CYP1B1: variants seen among roughly 807,000 people sequenced by gnomAD.
CYP1B1 encodes the protein cytochrome P450 1B1.
A neutral mutation model predicts 29.9 loss-of-function variants in CYP1B1; 22 were observed. The ratio of observed to expected loss-of-function variants is 0.74; its 90% CI spans 0.53 to 1.05. The LOEUF (loss-of-function observed/expected upper bound fraction) is 1.05, where lower values mean the gene tolerates loss of function less well. Ranked by LOEUF, CYP1B1 falls within the 50% of genes least tolerant of loss-of-function variation. CYP1B1 has a pLI of 0.00. For missense variants in CYP1B1, 883 were observed against 746.9 expected (o/e 1.18, Z -2.12); for synonymous variants, 375 against 320.0 (o/e 1.17, Z -1.83).
Position 38,068,554 on chromosome 2 carries a change from A to C in CYP1B1, c.*2168T>G, listed in dbSNP as rs1409661042. On this transcript the variant is annotated 3_prime_UTR_variant, in exon 3 of 3. Transcript: ENST00000610745. ...CACTGTCTCAGCCTTGGTGGGGCATAATATTTTGGAATGGCAAGTGCCAAA... is the reference window on the plus strand; with the variant it reads ...CACTGTCTCAGCCTTGGTGGGGCATCATATTTTGGAATGGCAAGTGCCAAA... The C allele has an allele frequency of 8.8e-6, 2 of 227,174 alleles. No homozygotes were observed. The highest frequency in any genetic ancestry group is 4.4e-5 in the African/African-American group (2 of 44,998). 14.1% of individuals were successfully genotyped at this position (227,174 alleles called of 1,614,324 possible). A position where few individuals can be genotyped will look rare whatever the true frequency, so the allele number is the denominator to read the frequency against.
In CYP1B1 at chr2:38,075,279, T is replaced by G. The variant is rs760595674; in HGVS notation, c.110A>C (p.Gln37Pro). Reference sequence around the variant, plus strand: ...CCGCCTCCGTTGCCTCAGCAGCCGCTGGCCCACATGCACAGTGGCCAGCAC... The same window carrying G: ...CCGCCTCCGTTGCCTCAGCAGCCGCGGGCCCACATGCACAGTGGCCAGCAC... ...LSVLATVHVG[Q>P]RLLRQRRRQL... Residue 37 changes from glutamine to proline, a missense_variant, in exon 2 of 3, where the codon CAG becomes CCG. Transcript: ENST00000610745. The G allele has an allele frequency of 1.2e-6, 2 of 1,607,780 alleles. No homozygotes were observed. Among genetic ancestry groups the G allele is most frequent in the African/African-American group, 2.7e-5 (2 of 74,912 alleles).
chr2:38,070,552 T>C lies in CYP1B1; in HGVS notation c.*170A>G, dbSNP rs1682406420. The C allele has an allele frequency of 3.0e-6, 2 of 658,156 alleles. No homozygotes were observed. The highest frequency in any genetic ancestry group is 5.3e-6 in the Non-Finnish European group (2 of 380,766). The allele number at this position is 658,156 out of a possible 1,614,324, so 40.8% of individuals were successfully genotyped here. ...AAGCTCCTGCATAGCCCACTACTCATGAAGAACCGCTGGGTATGGAGCACA... is the reference window on the plus strand; with the variant it reads ...AAGCTCCTGCATAGCCCACTACTCACGAAGAACCGCTGGGTATGGAGCACA... On this transcript the variant is annotated 3_prime_UTR_variant, in exon 3 of 3. Transcript: ENST00000610745.
rs1331344827 is a variant in CYP1B1, at chr2:38,068,790, A to T, written c.*1932T>A. ...TTGAGATTTAACTCTGCTACGCCAA[A>T]CATCTTTCTTCTAAATGTCCATGCT... On this transcript the variant is annotated 3_prime_UTR_variant, in exon 3 of 3. Coordinates refer to ENST00000610745, the MANE Select transcript of CYP1B1 (RefSeq NM_000104.4). 3 of 225,398 alleles carry T rather than the reference A, an allele frequency of 1.3e-5. No individual in the cohort carries two copies. In the East Asian group the frequency reaches 1.9e-4, roughly 15 times the overall value. The allele number at this position is 225,398 out of a possible 1,614,324, so 14.0% of individuals were successfully genotyped here.
intron 2 of CYP1B1, among the ~76,000 whole-genome samples, chr2:38,072,260 C>T (rs1311239424): frequency 3.3e-5 from 5 of 152,150 alleles, no homozygotes; most frequent in Admixed American, 6.5e-5. Flanking sequence ...TGGTGGTACA[C>T]GCCTGTAGCC....
At position 38,068,285 on chromosome 2, in the gene CYP1B1, T is replaced by A; in HGVS notation, c.*2437A>T. On this transcript the variant is annotated 3_prime_UTR_variant, in exon 3 of 3. Transcript: ENST00000610745. ...ATTCGTTTTTTGTTTTCTTTTCCTT[T>A]CTTTAACTAGGTTATAAGCATATTA... 1 of 221,648 alleles carries A rather than the reference T, an allele frequency of 4.5e-6. No individual in the cohort carries two copies. 13.7% of individuals were successfully genotyped at this position (221,648 alleles called of 1,614,324 possible). A position where few individuals can be genotyped will look rare whatever the true frequency, so the allele number is the denominator to read the frequency against.
intron 2 of CYP1B1, among the ~76,000 whole-genome samples, chr2:38,073,116 A>C (rs867209459): frequency 5.9e-5 from 9 of 152,086 alleles, no homozygotes; most frequent in Middle Eastern, 3.2e-3. Context: ...TCTTTATTCG[A>C]TTTCTGCCTC....
rs750220338 is a variant in CYP1B1, at chr2:38,070,798, T to C, written c.1556A>G (p.Asn519Ser). ...CTCCATGGACTCTCTGAGAGTGACATTGACTTTAAATGACTTGGGTTTAAT... is the reference window on the plus strand; with the variant it reads ...CTCCATGGACTCTCTGAGAGTGACACTGACTTTAAATGACTTGGGTTTAAT... ...LTIKPKSFKV[N>S]VTLRESMELL... is the part of the protein sequence containing the mutation. Residue 519 changes from asparagine to serine, a missense_variant, in exon 3 of 3, where the codon AAT (asparagine) becomes AGT (serine). Asn to Ser is a conservative substitution (Grantham distance 46). Transcript: ENST00000610745. 103 of 1,614,136 alleles carry C rather than the reference T, an allele frequency of 6.4e-5. 1 individual carries two copies. In the South Asian group the frequency reaches 1.0e-3, roughly 16 times the overall value.
At chr2:38,072,417 A>G (rs1313726631) in intron 2 of CYP1B1, among the ~76,000 whole-genome samples, 1 of 152,210 alleles carries the variant, frequency 6.6e-6, no homozygotes, top group Non-Finnish European at 1.5e-5. Flanking sequence ...AAGGCCAATG[A>G]CCAACATTAA....
At chr2:38,074,311 G>C (rs755861122) in intron 2 of CYP1B1, 35 bp downstream of exon 2, 3 of 1,607,212 alleles carry the variant, frequency 1.9e-6, no homozygotes, top group Non-Finnish European at 8.5e-7. Context: ...TTTCAGAGGA[G>C]AAAAGACCTG....
At chr2:38,071,985 T>A (rs757408521) in intron 2 of CYP1B1, among the ~76,000 whole-genome samples, 1 of 152,226 alleles carries the variant, frequency 6.6e-6, no homozygotes, top group South Asian at 2.1e-4. Flanking sequence ...ACATACTGTA[T>A]TTTTTAAATT....
intron 1 of CYP1B1, 52 bp from the exon 2 acceptor site, chr2:38,075,441 G>A: frequency 6.3e-7 from 1 of 1,578,746 alleles, no homozygotes; most frequent in Admixed American, 1.7e-5. Flanking sequence ...AGACAGGAGC[G>A]GGCGCCCCAC....
In CYP1B1 at chr2:38,074,465, C is replaced by G. The variant is rs749928652; in HGVS notation, c.924G>C (p.Ser308=). Residue 308 remains serine, a synonymous_variant, in exon 2 of 3, where the codon TCG becomes TCC. Coordinates refer to ENST00000610745, the MANE Select transcript of CYP1B1 (RefSeq NM_000104.4). ...AATCCAGCCGCGCGCCACCACCGTG[C>G]GAGTCCCCGGCCGCCTTCTTTTCCG... ...LSAEKKAAGD[S]HGGGARLDLE... 2 of 1,613,004 alleles carry G rather than the reference C, an allele frequency of 1.2e-6. No individual in the cohort carries two copies. The highest frequency in any genetic ancestry group is 1.7e-6 in the Non-Finnish European group (2 of 1,179,754).
At position 38,068,044 on chromosome 2, in the gene CYP1B1, T is replaced by A. The variant is rs1205496231; in HGVS notation, c.*2678A>T. ...TCACAAAACAAACCTGAGACATCTT[T>A]TTGTTTTGGAAAAAAGCAATTTGCT... On this transcript the variant is annotated 3_prime_UTR_variant, in exon 3 of 3. Transcript: ENST00000610745. 1 of 201,578 alleles carries A rather than the reference T, an allele frequency of 5.0e-6. No individual in the cohort carries two copies. Among genetic ancestry groups the A allele is most frequent in the Non-Finnish European group, 1.0e-5 (1 of 97,664 alleles). 12.5% of individuals were successfully genotyped at this position (201,578 alleles called of 1,614,324 possible).
rs72481807 is a variant in CYP1B1, at chr2:38,074,872, C to A, written c.517G>T (p.Glu173Ter). The part of the protein sequence containing the change: ...RQVLEGHVLS[E>*]ARELVALLVR... Reference sequence around the variant, plus strand: ...AGCAGCGCCACCAGCTCGCGCGCCTCGCTCAGCACGTGGCCCTCGAGGACT... The same window carrying A: ...AGCAGCGCCACCAGCTCGCGCGCCTAGCTCAGCACGTGGCCCTCGAGGACT... The change falls in exon 2 of 3, where the codon GAG becomes TAG. Residue 173 changes from glutamate to a stop codon, truncating the protein, a stop_gained. Coordinates refer to ENST00000610745, the MANE Select transcript of CYP1B1 (RefSeq NM_000104.4). LOFTEE classifies it high-confidence loss of function. 2 of 1,554,658 alleles carry A rather than the reference C, an allele frequency of 1.3e-6. No homozygotes were observed. Among genetic ancestry groups the A allele is most frequent in the Non-Finnish European group, 1.7e-6 (2 of 1,151,750 alleles).
intron 2 of CYP1B1, among the ~76,000 whole-genome samples, chr2:38,072,215 C>T (rs1682446571): frequency 6.6e-6 from 1 of 152,092 alleles, no homozygotes; most frequent in African/African-American, 2.4e-5. Flanking sequence ...TATGTAACCA[C>T]AACAGGACCT....
chr2:38,073,968 C>A, intron 2 of CYP1B1: 1 of 294,896 alleles, frequency 3.4e-6, no homozygotes. Flanking sequence ...ATTACCTTTT[C>A]TTTCGGAACT....
chr2:38,075,643 C>A, intron 1 of CYP1B1, 137 bp downstream of exon 1: 1 of 583,352 alleles, frequency 1.7e-6, no homozygotes. Flanking sequence ...CGTAACGGTT[C>A]CTGCAATCTG....
chr2:38,071,713 C>A (rs1376922703), intron 2 of CYP1B1, among the ~76,000 whole-genome samples: 2 of 152,078 alleles, frequency 1.3e-5, no homozygotes, highest in Non-Finnish European at 2.9e-5. Flanking sequence ...AATCTTCAGA[C>A]CTAAAAAAAC....
chr2:38,074,128 G>A (rs964803626), intron 2 of CYP1B1, among the ~76,000 whole-genome samples: 2 of 152,052 alleles, frequency 1.3e-5, no homozygotes, highest in Admixed American at 1.3e-4. Flanking sequence ...AGACAAGATA[G>A]GAGACCGGAG....
Sources: allele counts gnomAD v4.1 joint callset (sites outside exome capture counted in the v4.1 genomes callset), GRCh38; gene constraint gnomAD v4.1.1; transcripts MANE v1.5; gene names NCBI Gene and HGNC (gene_info 2026-07-23, HGNC 2026-07-21).